The following PACRG variants were observed in gnomAD, a reference collection of about 807,000 sequenced individuals.
The protein encoded by PACRG is parkin coregulated.
In PACRG, 29 loss-of-function variants were observed where a neutral mutation model predicts 29.7. That is an observed-to-expected ratio of 0.98 (90% CI 0.73 to 1.33). PACRG has a LOEUF of 1.33. Among genes scored for constraint, PACRG ranks in the 40% most tolerant of loss-of-function variants. The pLI is 0.00. For synonymous variants in PACRG, 116 were observed against 118.7 expected, an observed-to-expected ratio of 0.98 and a Z score of 0.15; for missense variants, 279 against 316.2, an observed-to-expected ratio of 0.88 and a Z score of 0.89.
chr6:163,256,184 A>AT (rs1255875228), intron 4 of PACRG, among the ~76,000 whole-genome samples: 1 of 152,154 alleles, frequency 6.6e-6, no homozygotes, highest in Non-Finnish European at 1.5e-5. Context: ...CTAATGTGCT[A>AT]TATCTCAAAA....
At chr6:163,245,548 G>T (rs190348286) in intron 4 of PACRG, among the ~76,000 whole-genome samples, 152 of 152,200 alleles carry the variant, frequency 1.0e-3, no homozygotes, top group African/African-American at 3.2e-3. Flanking sequence ...TGGATCACGG[G>T]GTTCATAGAG....
intron 1 of PACRG, among the ~76,000 whole-genome samples, chr6:162,796,250 A>G (rs1269729746): frequency 6.6e-6 from 1 of 151,950 alleles, no homozygotes; most frequent in African/African-American, 2.4e-5. Flanking sequence ...TTATTTCTTC[A>G]TTTTCAATCT....
At chr6:163,156,420 C>A (rs941417969) in intron 4 of PACRG, among the ~76,000 whole-genome samples, 9 of 152,110 alleles carry the variant, frequency 5.9e-5, no homozygotes, top group Non-Finnish European at 1.2e-4. Context: ...TTCTCCTGAA[C>A]CAGCACCCCA....
chr6:163,147,061 G>C (rs1777831897), intron 4 of PACRG, among the ~76,000 whole-genome samples: 1 of 152,134 alleles, frequency 6.6e-6, no homozygotes, highest in Admixed American at 6.5e-5. Context: ...TACCCCTTAT[G>C]AAGTTTATCA....
intron 4 of PACRG, among the ~76,000 whole-genome samples, chr6:163,187,074 G>A (rs957153875): frequency 1.1e-4 from 16 of 152,184 alleles, no homozygotes; most frequent in South Asian, 2.1e-4. Context: ...AATTTCATCC[G>A]TTTCCCTTCC....
intron 2 of PACRG, among the ~76,000 whole-genome samples, chr6:162,860,438 T>C (rs1777609537): frequency 6.6e-6 from 1 of 152,340 alleles, no homozygotes; most frequent in South Asian, 2.1e-4. Context: ...TAGCAGAACA[T>C]GCCAACTTGG....
intron 2 of PACRG, among the ~76,000 whole-genome samples, chr6:162,987,457 G>A (rs937373626): frequency 4.6e-5 from 7 of 152,230 alleles, no homozygotes; most frequent in South Asian, 2.1e-4. Context: ...TGTCATGGGA[G>A]GGAGGTAATT....
At chr6:163,011,314 G>A (rs765779549) in intron 2 of PACRG, among the ~76,000 whole-genome samples, 28 of 152,236 alleles carry the variant, frequency 1.8e-4, no homozygotes, top group Non-Finnish European at 3.2e-4. Flanking sequence ...GCCCTGCGGT[G>A]TAGCCGATTG....
intron 2 of PACRG, among the ~76,000 whole-genome samples, chr6:162,886,067 A>C (rs1244355942): frequency 1.3e-5 from 2 of 152,158 alleles, no homozygotes. Context: ...CCTCCTGAGT[A>C]GCTGGGATTA....
At chr6:163,116,453 C>G (rs953294864) in intron 4 of PACRG, among the ~76,000 whole-genome samples, 1 of 152,016 alleles carries the variant, frequency 6.6e-6, no homozygotes, top group Non-Finnish European at 1.5e-5. Flanking sequence ...CAAACTGTAT[C>G]AAATGGGGGG....
intron 2 of PACRG, among the ~76,000 whole-genome samples, chr6:162,922,218 G>C (rs1797115315): frequency 6.7e-6 from 1 of 149,568 alleles, no homozygotes; most frequent in Non-Finnish European, 1.5e-5. Flanking sequence ...CTTAAGGATT[G>C]CTCCTTCCTG....
intron 1 of PACRG, among the ~76,000 whole-genome samples, chr6:162,812,136 G>T (rs1786924046): frequency 6.6e-6 from 1 of 151,970 alleles, no homozygotes; most frequent in South Asian, 2.1e-4. Flanking sequence ...AGGGAACTTT[G>T]TGGTGGTAGA....
At chr6:163,195,742 C>T (rs1780424723) in intron 4 of PACRG, among the ~76,000 whole-genome samples, 2 of 152,158 alleles carry the variant, frequency 1.3e-5, no homozygotes, top group African/African-American at 4.8e-5. Context: ...GGAGATTCTG[C>T]GCCTAAAGAC....
chr6:162,909,033 A>T (rs1388272464), intron 2 of PACRG, among the ~76,000 whole-genome samples: 3 of 152,204 alleles, frequency 2.0e-5, no homozygotes, highest in African/African-American at 7.2e-5. Context: ...CAAACTGTGT[A>T]GTATACACGA....
At chr6:163,102,420 C>A (rs193282313) in intron 4 of PACRG, among the ~76,000 whole-genome samples, 1 of 152,292 alleles carries the variant, frequency 6.6e-6, no homozygotes, top group Admixed American at 6.5e-5. Context: ...ATCAACATAA[C>A]CCTCCTGCAG....
chr6:163,036,325 G>T (rs770271092), intron 2 of PACRG, among the ~76,000 whole-genome samples: 2 of 152,168 alleles, frequency 1.3e-5, no homozygotes. Context: ...CACACTGTGA[G>T]TACAGACAGT....
chr6:162,791,716 C>CAAAA (rs1362600857), intron 1 of PACRG, among the ~76,000 whole-genome samples: 3 of 152,216 alleles, frequency 2.0e-5, no homozygotes, highest in Non-Finnish European at 4.4e-5. Flanking sequence ...AGCATCCCAT[C>CAAAA]AATTTGAATT....
chr6:162,865,361 T>C (rs1792208837), intron 2 of PACRG, among the ~76,000 whole-genome samples: 1 of 152,224 alleles, frequency 6.6e-6, no homozygotes, highest in Non-Finnish European at 1.5e-5. Flanking sequence ...TCTTGCTGTA[T>C]TACCTGCTGT....
intron 4 of PACRG, chr6:163,190,829 G>A (rs1780178797): frequency 5.3e-6 from 2 of 378,344 alleles, no homozygotes; most frequent in South Asian, 2.0e-5. Context: ...TAACAACTTC[G>A]TCTTCTTTCA....
Sources: allele counts gnomAD v4.1 joint callset (sites outside exome capture counted in the v4.1 genomes callset), GRCh38; gene constraint gnomAD v4.1.1; transcripts MANE v1.5; gene names NCBI Gene and HGNC (gene_info 2026-07-23, HGNC 2026-07-21).